PTPRG: variants seen among roughly 807,000 people sequenced by gnomAD.
The protein encoded by PTPRG is protein tyrosine phosphatase receptor type G.
In PTPRG, 102 loss-of-function variants were observed where a neutral mutation model predicts 165.3. The observed-to-expected ratio is 0.62, with a 90% CI of 0.53 to 0.73. PTPRG has a LOEUF of 0.73. PTPRG is among the 30% of genes least tolerant of loss of function. The probability of loss-of-function intolerance (pLI) is 0.00; values close to 1 mark genes in which losing one functional copy is unlikely to be tolerated. For synonymous variants in PTPRG, 675 were observed against 669.5 expected, an observed-to-expected ratio of 1.01 and a Z score of -0.13; for missense variants, 1,866 against 1,861.4, an observed-to-expected ratio of 1.00 and a Z score of -0.05.
At chr3:62,279,226 TCA>T (rs1702343901) in intron 26 of PTPRG, among the ~76,000 whole-genome samples, 1 of 152,054 alleles carries the variant, frequency 6.6e-6, no homozygotes, top group Admixed American at 6.6e-5. Context: ...GCTTCCTAAC[TCA>T]CAAAGTACGG....
At chr3:62,088,344 G>C (rs1314195747) in intron 5 of PTPRG, among the ~76,000 whole-genome samples, 1 of 152,186 alleles carries the variant, frequency 6.6e-6, no homozygotes, top group Non-Finnish European at 1.5e-5. Flanking sequence ...GAAGATATCA[G>C]AATATCTTCA....
At chr3:61,768,435 T>C (rs1447781169) in intron 2 of PTPRG, among the ~76,000 whole-genome samples, 3 of 152,236 alleles carry the variant, frequency 2.0e-5, no homozygotes, top group East Asian at 3.9e-4. Context: ...TACAGAATTG[T>C]TGGAGTCTCT....
chr3:61,761,847 C>G (rs933882569), intron 2 of PTPRG, among the ~76,000 whole-genome samples: 1 of 152,184 alleles, frequency 6.6e-6, no homozygotes. Flanking sequence ...CATTTAGTAG[C>G]TCTGCCCCAA....
At chr3:62,290,776 G>A (rs118007570) in intron 28 of PTPRG, among the ~76,000 whole-genome samples, 2 of 152,162 alleles carry the variant, frequency 1.3e-5, no homozygotes, top group East Asian at 1.9e-4. Context: ...GCAAGAATAA[G>A]ACTCAGATGA....
In PTPRG at chr3:61,869,718, G is replaced by A. The variant is rs116537051; in HGVS notation, c.191-119907G>A. On this transcript the variant is annotated intron_variant, in intron 2 of 29. Coordinates refer to ENST00000474889, the MANE Select transcript of PTPRG (RefSeq NM_002841.4). ...CTCAGCCTCCCGAGTATCTGGGACCGTAGGTGCACGCCACCCTGCCTGGCT... is the reference window on the plus strand; with the variant it reads ...CTCAGCCTCCCGAGTATCTGGGACCATAGGTGCACGCCACCCTGCCTGGCT... 7.3e-3 allele frequency among the ~76,000 whole-genome samples: 1,103 copies of A among 151,922 alleles called. 9 individuals are homozygous for A. The highest frequency in any genetic ancestry group is 0.026 in the African/African-American group (1,059 of 41,398).
chr3:61,992,664 A>G (rs1280530625), intron 3 of PTPRG, among the ~76,000 whole-genome samples: 1 of 152,002 alleles, frequency 6.6e-6, no homozygotes, highest in Non-Finnish European at 1.5e-5. Context: ...GGAATACAGG[A>G]GTGCGCGCCA....
At chr3:62,207,444 C>T (rs976813510) in intron 12 of PTPRG, among the ~76,000 whole-genome samples, 8 of 152,208 alleles carry the variant, frequency 5.3e-5, no homozygotes, top group African/African-American at 1.7e-4. Flanking sequence ...TTCACCCTGT[C>T]CTTTGCCCTG....
chr3:62,148,368 C>A (rs1033205654), intron 6 of PTPRG, among the ~76,000 whole-genome samples: 1 of 152,104 alleles, frequency 6.6e-6, no homozygotes, highest in Non-Finnish European at 1.5e-5. Context: ...TGTCGGGCCC[C>A]ATGGCCACCA....
intron 1 of PTPRG, among the ~76,000 whole-genome samples, chr3:61,591,450 A>G (rs1700566986): frequency 6.6e-6 from 1 of 152,178 alleles, no homozygotes; most frequent in Non-Finnish European, 1.5e-5. Flanking sequence ...AGGACCTCCT[A>G]TCTGCTGTGT....
chr3:61,694,439 C>T (rs1488907435), intron 1 of PTPRG, among the ~76,000 whole-genome samples: 1 of 152,140 alleles, frequency 6.6e-6, no homozygotes, highest in Non-Finnish European at 1.5e-5. Flanking sequence ...TACTCTATTA[C>T]CTACCTACTC....
At chr3:62,066,768 G>A (rs758743562) in intron 4 of PTPRG, among the ~76,000 whole-genome samples, 3 of 152,086 alleles carry the variant, frequency 2.0e-5, no homozygotes, top group Admixed American at 2.0e-4. Context: ...GGCTGGGCGC[G>A]GTGGCTCATG....
intron 2 of PTPRG, 145 bp from the exon 3 acceptor site, chr3:61,989,480 A>G (rs1419310332): frequency 4.2e-6 from 3 of 707,084 alleles, no homozygotes; most frequent in South Asian, 2.6e-5. Context: ...CATCAGGCCA[A>G]TGGCTTTGAT....
chr3:62,247,404 G>T (rs1331408419), intron 15 of PTPRG, among the ~76,000 whole-genome samples: 1 of 152,074 alleles, frequency 6.6e-6, no homozygotes, highest in African/African-American at 2.4e-5. Context: ...AAATACATGT[G>T]AATATTCTCT....
In PTPRG at chr3:61,774,014, A is replaced by G. The variant is rs368512282; in HGVS notation, c.190+25032A>G. 9.9e-4 allele frequency among the ~76,000 whole-genome samples: 151 copies of G among 152,248 alleles called. 4 individuals are homozygous for G. The South Asian group carries it at 0.03, about 31-fold the overall frequency. On this transcript the variant is annotated intron_variant, in intron 2 of 29. Coordinates refer to ENST00000474889, the MANE Select transcript of PTPRG (RefSeq NM_002841.4). Reference sequence around the variant, plus strand: ...GGTCTGAAACTCCTGACCTTGGGTGATCCAACCGCCTCAGCCTCCCAAAGT... The same window carrying G: ...GGTCTGAAACTCCTGACCTTGGGTGGTCCAACCGCCTCAGCCTCCCAAAGT...
chr3:61,634,560 A>T (rs13061878), intron 1 of PTPRG, among the ~76,000 whole-genome samples: 14,681 of 151,378 alleles, frequency 0.097, 781 homozygotes, highest in East Asian at 0.21. Flanking sequence ...TTTTTTTTTT[A>T]AACCATGAAG....
At chr3:62,147,302 T>C (rs952436073) in intron 6 of PTPRG, among the ~76,000 whole-genome samples, 2 of 152,098 alleles carry the variant, frequency 1.3e-5, no homozygotes, top group Non-Finnish European at 2.9e-5. Flanking sequence ...GAGAACCCAG[T>C]CACTGTAAAC....
intron 4 of PTPRG, among the ~76,000 whole-genome samples, chr3:62,014,005 G>A (rs1370529393): frequency 6.6e-6 from 1 of 152,138 alleles, no homozygotes; most frequent in African/African-American, 2.4e-5. Context: ...ATGGGCCTGT[G>A]TATCAGCAAC....
intron 2 of PTPRG, among the ~76,000 whole-genome samples, chr3:61,846,492 G>C (rs2036809180): frequency 6.6e-6 from 1 of 152,158 alleles, no homozygotes; most frequent in Non-Finnish European, 1.5e-5. Context: ...CTTGAATAAA[G>C]TACCTTATTT....
chr3:61,701,763 G>A (rs763455441), intron 1 of PTPRG, among the ~76,000 whole-genome samples: 1 of 152,060 alleles, frequency 6.6e-6, no homozygotes, highest in Non-Finnish European at 1.5e-5. Flanking sequence ...CAGGTGTCGT[G>A]TCACGTGACT....
Sources: gnomAD v4.1 joint callset for allele counts (sites outside exome capture counted in the v4.1 genomes callset) on GRCh38, gnomAD v4.1.1 for gene constraint, MANE v1.5 for transcripts, NCBI Gene and HGNC (gene_info 2026-07-23, HGNC 2026-07-21) for gene names.